Variants in ATM observed in about 807,000 individuals in gnomAD.
ATM encodes the protein serine-protein kinase ATM.
In ATM, 308 loss-of-function variants were observed where a neutral mutation model predicts 387.0. That is an observed-to-expected ratio of 0.80 (90% CI 0.73 to 0.87). The LOEUF (loss-of-function observed/expected upper bound fraction) is 0.87, where lower values mean the gene tolerates loss of function less well. Ranked by LOEUF, ATM falls within the 40% of genes least tolerant of loss-of-function variation. ATM has a pLI of 0.00. For synonymous variants in ATM, 1,156 were observed against 1,187.3 expected, an observed-to-expected ratio of 0.97 and a Z score of 0.54; for missense variants, 3,312 against 3,560.9, an observed-to-expected ratio of 0.93 and a Z score of 1.78.
Position 108,345,849 on chromosome 11 carries a change from C to T in ATM, c.8525C>T (p.Pro2842Leu), listed in dbSNP as rs879254065. 1 of 1,613,790 alleles carries T rather than the reference C, an allele frequency of 6.2e-7. No individual in the cohort carries two copies. Among genetic ancestry groups the T allele is most frequent in the South Asian group, 1.1e-5 (1 of 91,064 alleles). Residue 2842 changes from proline (P) to leucine (L), a missense_variant, in exon 58 of 63, where the codon CCA (proline) becomes CTA (leucine). Transcript: ENST00000675843. ...RYFCMEKFLDPAIWFEKRLAY... is the reference protein window; with the variant it reads ...RYFCMEKFLDLAIWFEKRLAY... ...TTCTGCATGGAAAAATTCTTGGATC[C>T]AGCTATTTGGTTTGAGAAGCGATTG...
intron 56 of ATM, among the ~76,000 whole-genome samples, chr11:108,339,934 CATTT>C (rs1395688646): frequency 6.6e-6 from 1 of 152,134 alleles, no homozygotes; most frequent in Non-Finnish European, 1.5e-5. Flanking sequence ...TGAGATCATT[CATTT>C]GTTTATTCAA....
intron 16 of ATM, among the ~76,000 whole-genome samples, chr11:108,261,542 A>G (rs544080878): frequency 1.9e-3 from 281 of 150,968 alleles, no homozygotes; most frequent in Non-Finnish European, 2.9e-3. Flanking sequence ...AAAAAACAGA[A>G]CAGAAAAACT....
Position 108,267,151 on chromosome 11 carries a change from T to G in ATM, c.2467-20T>G, listed in dbSNP as rs2081298666. 1 of 1,613,232 alleles carries G rather than the reference T, an allele frequency of 6.2e-7. No homozygotes were observed. Among genetic ancestry groups the G allele is most frequent in the Admixed American group, 1.7e-5 (1 of 59,998 alleles). On this transcript the variant is annotated intron_variant, in intron 16 of 62. Transcript: ENST00000675843. ...CCTGCAAGAAGCCATCTTGAACATC[T>G]TTGTTTCTCTTCCTTGAAGGCATCC...
Position 108,312,453 on chromosome 11 carries a change from T to G in ATM, c.5961T>G (p.Ser1987=), listed in dbSNP as rs1060504265. 9 of 1,597,160 alleles carry G rather than the reference T, an allele frequency of 5.6e-6. No individual in the cohort carries two copies. Among genetic ancestry groups the G allele is most frequent in the Admixed American group, 1.7e-5 (1 of 59,970 alleles). Residue 1987 remains serine (S), a synonymous_variant, in exon 40 of 63, where the codon TCT becomes TCG. Coordinates refer to ENST00000675843, the MANE Select transcript of ATM (RefSeq NM_000051.4). ...FEEGSQSTTI[S]SLSEKSKEET... ...AAGGAAGCCAGAGTACAACTATTTC[T>G]AGCTTGAGTGAAAAAAGTAAAGAAG...
At position 108,271,244 on chromosome 11, in the gene ATM, A is replaced by G; in HGVS notation, c.2922-7A>G. The G allele has an allele frequency of 6.3e-7, 1 of 1,588,154 alleles. No homozygotes were observed. The highest frequency in any genetic ancestry group is 8.5e-7 in the Non-Finnish European group (1 of 1,171,534). ...AAAGTTGAACTTTTTTTTTTTTTTTACCACAGCAATGTGTGTTCTTTGTAT... is the reference window on the plus strand; with the variant it reads ...AAAGTTGAACTTTTTTTTTTTTTTTGCCACAGCAATGTGTGTTCTTTGTAT... On this transcript the variant is annotated splice_region_variant and splice_polypyrimidine_tract_variant and intron_variant, in intron 19 of 62. Coordinates refer to ENST00000675843, the MANE Select transcript of ATM (RefSeq NM_000051.4).
Position 108,332,643 on chromosome 11 carries a change from T to C in ATM, c.7789-119T>C, listed in dbSNP as rs559305449. Reference sequence around the variant, plus strand: ...TGTTTTGTTTGTATCTGAGGAATTATAATCATTCCATTGTCTAGATTTGTG... The same window carrying C: ...TGTTTTGTTTGTATCTGAGGAATTACAATCATTCCATTGTCTAGATTTGTG... On this transcript the variant is annotated intron_variant, in intron 52 of 62. Coordinates refer to ENST00000675843, the MANE Select transcript of ATM (RefSeq NM_000051.4). 8 of 1,104,554 alleles carry C rather than the reference T, an allele frequency of 7.2e-6. No homozygotes were observed. The South Asian group carries it at 8.5e-5, about 12-fold the overall frequency. 68.4% of individuals were successfully genotyped at this position (1,104,554 alleles called of 1,614,324 possible). A position where few individuals can be genotyped will look rare whatever the true frequency, so the allele number is the denominator to read the frequency against.
chr11:108,295,497 ATTTATTTTT>A (rs2083073649), intron 32 of ATM: 2 of 167,466 alleles, frequency 1.2e-5, no homozygotes, highest in South Asian at 2.9e-4. Flanking sequence ...TAGCTACTTT[ATTTATTTTT>A]TTTATTTTTT....
chr11:108,365,181 C>G lies in ATM; in HGVS notation c.8950C>G (p.Leu2984Val), dbSNP rs747445236. The change falls in exon 62 of 63, where the codon CTG becomes GTG. Residue 2984 changes from leucine (L) to valine (V), a missense_variant. Around this residue, in one of 4 missense-constraint regions of ATM, gnomAD observed 95 missense variants for 100.3 expected, o/e 0.95. Transcript: ENST00000675843. ...PEDETELHPTLNADDQECKRN... is the reference protein window; with the variant it reads ...PEDETELHPTVNADDQECKRN... ...AGATGAAACTGAGCTTCACCCTACT[C>G]TGAATGCAGATGACCAAGAATGCAA... 1 of 1,614,234 alleles carries G rather than the reference C, an allele frequency of 6.2e-7. No homozygotes were observed. Among genetic ancestry groups the G allele is most frequent in the Non-Finnish European group, 8.5e-7 (1 of 1,180,040 alleles).
At chr11:108,260,517 G>C (rs2080800383) in intron 16 of ATM, among the ~76,000 whole-genome samples, 1 of 152,160 alleles carries the variant, frequency 6.6e-6, no homozygotes, top group African/African-American at 2.4e-5. Flanking sequence ...CTTTTTGATG[G>C]ATATTGTCAT....
At chr11:108,304,574 G>A (rs2083582239) in intron 36 of ATM, 101 bp from the exon 37 acceptor site, 1 of 1,177,078 alleles carries the variant, frequency 8.5e-7, no homozygotes, top group Non-Finnish European at 1.2e-6. Flanking sequence ...TCATCTTTTA[G>A]AAATTTAATA....
chr11:108,252,504 A>G (rs2080208731), intron 11 of ATM, among the ~76,000 whole-genome samples: 1 of 152,270 alleles, frequency 6.6e-6, no homozygotes, highest in East Asian at 1.9e-4. Context: ...ATTGGAACCA[A>G]ATGATTGGAG....
chr11:108,256,352 T>G lies in ATM; in HGVS notation c.2250+12T>G, dbSNP rs200681117. 6.2e-7 allele frequency: 1 copy of G among 1,605,722 alleles called. No individual in the cohort carries two copies. Among genetic ancestry groups the G allele is most frequent in the East Asian group, 2.2e-5 (1 of 44,550 alleles). Reference sequence around the variant, plus strand: ...TCCAGAAAGCCAAGGTAGGAGAATTTATACTAATAAAGTTTCGGATAAATT... The same window carrying G: ...TCCAGAAAGCCAAGGTAGGAGAATTGATACTAATAAAGTTTCGGATAAATT... On this transcript the variant is annotated intron_variant, in intron 14 of 62. Coordinates refer to ENST00000675843, the MANE Select transcript of ATM (RefSeq NM_000051.4).
rs766053182 is a variant in ATM at position 108,299,770 on chromosome 11, A to G, written c.5062A>G (p.Ile1688Val). Residue 1688 changes from isoleucine to valine, a missense_variant, in exon 34 of 63, where the codon ATA (isoleucine) becomes GTA (valine). Physicochemically the swap from Ile to Val is conservative, Grantham distance 29 (BLOSUM62 3). Around this residue, in one of 4 missense-constraint regions of ATM, gnomAD observed 1,405 missense variants for 1,604.4 expected, o/e 0.88. Coordinates refer to ENST00000675843, the MANE Select transcript of ATM (RefSeq NM_000051.4). ...TCCTATAGATTTCTCTACCATAGCT[A>G]TACAACATAGTAAAGATGCATCTTA... is the stretch of plus-strand genomic sequence containing the variant. ...VGPIDFSTIA[I>V]QHSKDASYTK... 1 of 1,614,008 alleles carries G rather than the reference A, an allele frequency of 6.2e-7. No homozygotes were observed.
chr11:108,300,034 C>A, intron 34 of ATM, 149 bp downstream of exon 34: 2 of 777,144 alleles, frequency 2.6e-6, no homozygotes, highest in Non-Finnish European at 2.0e-6. Context: ...TTTATTAATT[C>A]ACATAATTAT....
At chr11:108,244,418 G>A (rs933856731) in intron 6 of ATM, among the ~76,000 whole-genome samples, 15 of 152,096 alleles carry the variant, frequency 9.9e-5, no homozygotes, top group Non-Finnish European at 1.5e-5. Context: ...TTAATATACC[G>A]AGAATAAAAT....
In ATM at chr11:108,238,626, T is replaced by C. The variant is rs574041190; in HGVS notation, c.496+2792T>C. On this transcript the variant is annotated intron_variant, in intron 5 of 62. Transcript: ENST00000675843. ...AATTTTTGTATAGTGACCTTGTATT[T>C]TGGGACCTTGCTAAAATCACTTACT... 2.0e-5 allele frequency among the ~76,000 whole-genome samples: 3 copies of C among 152,312 alleles called. No homozygotes were observed. The East Asian group carries it at 5.8e-4, about 29-fold the overall frequency.
Position 108,268,574 on chromosome 11 carries a change from A to T in ATM, c.2803A>T (p.Thr935Ser), listed in dbSNP as rs35813135. Residue 935 changes from threonine (T) to serine (S), a missense_variant, in exon 18 of 63, where the codon ACG becomes TCG. Coordinates refer to ENST00000675843, the MANE Select transcript of ATM (RefSeq NM_000051.4). Reference sequence around the variant, plus strand: ...ATTGTTAATGTTAATTGATTCTAGCACGCTAGAACCTACCAAATCCCTCCA... The same window carrying T: ...ATTGTTAATGTTAATTGATTCTAGCTCGCTAGAACCTACCAAATCCCTCCA... Reference protein sequence around the residue: ...RKLLMLIDSSTLEPTKSLHLH... With the variant: ...RKLLMLIDSSSLEPTKSLHLH... 6.2e-7 allele frequency: 1 copy of T among 1,614,060 alleles called. No homozygotes were observed. Among genetic ancestry groups the T allele is most frequent in the Admixed American group, 1.7e-5 (1 of 60,008 alleles).
intron 59 of ATM, among the ~76,000 whole-genome samples, chr11:108,349,339 G>A (rs1006106738): frequency 3.9e-5 from 6 of 152,154 alleles, no homozygotes; most frequent in African/African-American, 1.4e-4. Context: ...AAAAGGCAAG[G>A]ACTGAATGGA....
chr11:108,261,407 C>A (rs1309117062), intron 16 of ATM, among the ~76,000 whole-genome samples: 1 of 152,156 alleles, frequency 6.6e-6, no homozygotes, highest in Non-Finnish European at 1.5e-5. Context: ...CTCCAACAGG[C>A]CTGCAGCTGA....
Sources: gnomAD v4.1 joint callset for allele counts (sites outside exome capture counted in the v4.1 genomes callset) on GRCh38, gnomAD v4.1.1 for gene constraint, gnomAD v4.1.1 regional missense constraint, MANE v1.5 for transcripts, NCBI Gene and HGNC (gene_info 2026-07-23, HGNC 2026-07-21) for gene names.